Variants in FAM9C observed in about 807,000 individuals in gnomAD.
FAM9C encodes the protein protein FAM9C.
Under a neutral mutation model 14.8 loss-of-function variants are expected in FAM9C, and 15 were observed. That is an observed-to-expected ratio of 1.02 (90% confidence interval 0.68 to 1.56). The LOEUF is 1.56. Among genes scored for constraint, FAM9C ranks in the 40% most tolerant of loss-of-function variants. FAM9C has a pLI of 0.00. For missense variants in FAM9C, 116 were observed against 118.0 expected (o/e 0.98, Z 0.08); for synonymous variants, 45 against 37.5 (o/e 1.20, Z -0.74).
In FAM9C at chrX:13,040,809, C is replaced by T. The variant is rs1162540293; in HGVS notation, c.278G>A (p.Ser93Asn). Residue 93 changes from serine (S) to asparagine (N), a missense_variant, in exon 5 of 8, where the codon AGC (serine) becomes AAC (asparagine). Coordinates refer to ENST00000380625, the MANE Select transcript of FAM9C (RefSeq NM_174901.6). ...KRIEKIAKAC[S>N]EIKNRIKNVL... is the part of the protein sequence containing the mutation. ...ATTTTTAATTCTGTTCTTTATTTCG[C>T]TGCAAGCTTTTGCAATCTTTTCAAT... 1.7e-6 allele frequency: 2 copies of T among 1,197,913 alleles called. No homozygotes were observed. Among genetic ancestry groups the T allele is most frequent in the Admixed American group, 2.3e-5 (1 of 44,132 alleles).
At chrX:13,043,603 A>G (rs1184486223) in intron 2 of FAM9C, 126 bp downstream of exon 2, 4 of 823,563 alleles carry the variant, frequency 4.9e-6, no homozygotes, top group African/African-American at 2.0e-5. Flanking sequence ...ATCTCAGCAC[A>G]TGCACGGTGA....
rs1437410740 is a variant in FAM9C at position 13,035,989 on chromosome X, C to T, written c.*55G>A. ...ACCAGAATAACAGAGGTTGAAGATA[C>T]ATCTGAATAAGTGCCAACTCTTGCT... On this transcript the variant is annotated 3_prime_UTR_variant, in exon 8 of 8. Transcript: ENST00000380625. 8.9e-6 allele frequency: 1 copy of T among 112,401 alleles called. No individual in the cohort carries two copies. The highest frequency in any genetic ancestry group is 1.9e-5 in the Non-Finnish European group (1 of 53,215). 9.3% of individuals were successfully genotyped at this position (112,401 alleles called of 1,213,427 possible).
At position 13,044,324 on chromosome X, in the gene FAM9C, C is replaced by A. The variant is rs934277849; in HGVS notation, c.-69+216G>T. 5.9e-5 allele frequency among the ~76,000 whole-genome samples: 6 copies of A among 101,874 alleles called. 1 individual carries two copies. The highest frequency in any genetic ancestry group is 1.8e-4 in the African/African-American group (5 of 28,302). 88.5% of individuals were successfully genotyped at this position (101,874 alleles called of 115,157 possible). A position where few individuals can be genotyped will look rare whatever the true frequency, so the allele number is the denominator to read the frequency against. ...ACGGACCCACGTTGACCCCCCGACC[C>A]CCCCCCAAACGCTGCACACATGCAC... On this transcript the variant is annotated intron_variant, in intron 1 of 7. Coordinates refer to ENST00000380625, the MANE Select transcript of FAM9C (RefSeq NM_174901.6).
chrX:13,039,866 T>C lies in FAM9C; in HGVS notation c.380A>G (p.Glu127Gly), dbSNP rs1405043448. 1 of 1,208,648 alleles carries C rather than the reference T, an allele frequency of 8.3e-7. No homozygotes were observed. The highest frequency in any genetic ancestry group is 2.2e-5 in the Admixed American group (1 of 45,270). Residue 127 changes from glutamate to glycine, a missense_variant, in exon 6 of 8, where the codon GAG (glutamate) becomes GGG (glycine). Physicochemically the swap from Glu to Gly is moderately conservative, Grantham distance 98. Coordinates refer to ENST00000380625, the MANE Select transcript of FAM9C (RefSeq NM_174901.6). ...ISLKLPNVLE[E>G]FITDEQKDEE... ...ATCTTTCTGCTCATCTGTGATGAAC[T>C]CTTCAAGGACATTCGGCAACTTCAG...
chrX:13,037,680 C>T (rs1459631745), intron 7 of FAM9C: 2 of 112,408 alleles, frequency 1.8e-5, no homozygotes, highest in African/African-American at 6.5e-5. Context: ...ATCTTACCTC[C>T]CAGAAGGGAA....
At chrX:13,043,639 G>A in intron 2 of FAM9C, 90 bp downstream of exon 2, 2 of 1,080,678 alleles carry the variant, frequency 1.9e-6, no homozygotes, top group Non-Finnish European at 2.6e-6. Context: ...AGGGGCCGGG[G>A]GCCTCGGGCT....
At chrX:13,038,627 T>C in intron 6 of FAM9C, 124 bp from the exon 7 acceptor site, 1 of 563,233 alleles carries the variant, frequency 1.8e-6, no homozygotes, top group Non-Finnish European at 2.6e-6. Context: ...ACAACGTTTA[T>C]GACCAATTTG....
At chrX:13,036,967 A>C (rs893769422) in intron 7 of FAM9C, 1 of 111,921 alleles carries the variant, frequency 8.9e-6, no homozygotes, top group African/African-American at 3.3e-5. Flanking sequence ...AGCATGAGCA[A>C]AGCATGAGAG....
chrX:13,044,296 A>G (rs1333668160), intron 1 of FAM9C, among the ~76,000 whole-genome samples: 1 of 106,827 alleles, frequency 9.4e-6, no homozygotes, highest in Non-Finnish European at 1.9e-5. Context: ...GCAGCCAGAC[A>G]AGACGGACCC....
chrX:13,038,615 A>G (rs2043499224), intron 6 of FAM9C, 112 bp from the exon 7 acceptor site: 2 of 661,413 alleles, frequency 3.0e-6, no homozygotes, highest in South Asian at 7.5e-5. Flanking sequence ...ACTTTCTTTT[A>G]GACAACGTTT....
intron 7 of FAM9C, chrX:13,036,948 T>A (rs1343003126): frequency 9.2e-6 from 1 of 108,598 alleles, no homozygotes; most frequent in Non-Finnish European, 1.9e-5. Flanking sequence ...AAAAGCATTG[T>A]GAGGGAAGAG....
At chrX:13,040,923 T>C (rs1406786393) in intron 4 of FAM9C, 51 bp from the exon 5 acceptor site, 2 of 729,550 alleles carry the variant, frequency 2.7e-6, no homozygotes, top group South Asian at 6.7e-5. Flanking sequence ...AAGTAGTTTC[T>C]TTGCATATAT....
intron 4 of FAM9C, chrX:13,041,601 G>A (rs902807445): frequency 6.2e-5 from 7 of 112,376 alleles, no homozygotes; most frequent in Non-Finnish European, 1.1e-4. Context: ...CAAAAGGGTA[G>A]AAATAACTTA....
At position 13,039,840 on chromosome X, in the gene FAM9C, C is replaced by T. The variant is rs2043510645; in HGVS notation, c.406G>A (p.Glu136Lys). Residue 136 changes from glutamate to lysine, a missense_variant, in exon 6 of 8, where the codon GAG becomes AAG. Transcript: ENST00000380625. ...TCTTCCTTTTCTCCATCTCCTTCCT[C>T]ATCTTTCTGCTCATCTGTGATGAAC... ...EEFITDEQKD[E>K]EGDGEKEEQI... 3 of 1,206,935 alleles carry T rather than the reference C, an allele frequency of 2.5e-6. No individual in the cohort carries two copies. The highest frequency in any genetic ancestry group is 5.9e-5 in the East Asian group (2 of 33,693).
intron 4 of FAM9C, chrX:13,042,366 T>G (rs1224202559): frequency 8.9e-6 from 1 of 111,739 alleles, no homozygotes; most frequent in Admixed American, 9.5e-5. Context: ...TATTAAAAAC[T>G]GAGTACATAC....
rs1325171962 is a variant in FAM9C, at chrX:13,044,541, T to A, written c.-70A>T. 16 of 112,026 alleles carry A rather than the reference T, an allele frequency of 1.4e-4. No individual in the cohort carries two copies. Among genetic ancestry groups the A allele is most frequent in the African/African-American group, 4.9e-4 (15 of 30,835 alleles). 9.2% of individuals were successfully genotyped at this position (112,026 alleles called of 1,213,427 possible). ...GCATCCCCACCGAGGGCGTCTCACCTGAGGGAGCCCTGATGTTGCTCCCTC... is the reference window on the plus strand; with the variant it reads ...GCATCCCCACCGAGGGCGTCTCACCAGAGGGAGCCCTGATGTTGCTCCCTC... On this transcript the variant is annotated splice_region_variant and 5_prime_UTR_variant, in exon 1 of 8. Transcript: ENST00000380625.
At chrX:13,043,093 T>G (rs745818936) in intron 3 of FAM9C, 35 bp downstream of exon 3, 5 of 1,193,731 alleles carry the variant, frequency 4.2e-6, no homozygotes, top group Non-Finnish European at 5.6e-6. Flanking sequence ...CTAAAAGACC[T>G]TATCTGACAG....
At chrX:13,041,653 A>C (rs1448959683) in intron 4 of FAM9C, 1 of 112,488 alleles carries the variant, frequency 8.9e-6, no homozygotes, top group Non-Finnish European at 1.9e-5. Context: ...AGTTGATGCT[A>C]TTAACTATAT....
In FAM9C at chrX:13,038,338, A is replaced by T. The variant is rs765989061; in HGVS notation, c.*25+78T>A. On this transcript the variant is annotated intron_variant, in intron 7 of 7. Coordinates refer to ENST00000380625, the MANE Select transcript of FAM9C (RefSeq NM_174901.6). The stretch of plus-strand genomic sequence containing the variant: ...CCAAAATGTCTTTCCATACATTCAG[A>T]AACAAGCAGATTGTCTTCTATTTTT... The T allele has an allele frequency of 1.7e-4, 144 of 829,768 alleles. 1 individual carries two copies. Among genetic ancestry groups the T allele is most frequent in the East Asian group, 6.0e-4 (17 of 28,242 alleles). The allele number at this position is 829,768 out of a possible 1,213,427, so 68.4% of individuals were successfully genotyped here.
Sources: allele counts gnomAD v4.1 joint callset (sites outside exome capture counted in the v4.1 genomes callset), GRCh38; gene constraint gnomAD v4.1.1; transcripts MANE v1.5; gene names NCBI Gene and HGNC (gene_info 2026-07-23, HGNC 2026-07-21).